Variants in PDSS1 observed in about 807,000 individuals in gnomAD.
The protein encoded by PDSS1 is all trans-polyprenyl-diphosphate synthase PDSS1.
PDSS1 carries 43 observed loss-of-function variants against 57.5 expected under a neutral mutation model. The observed-to-expected ratio is 0.75, with a 90% CI of 0.59 to 0.96. PDSS1 has a LOEUF of 0.96. Among genes scored for constraint, PDSS1 ranks in the 50% least tolerant of loss-of-function variants. The pLI is 0.00. For synonymous variants in PDSS1, 175 were observed against 191.3 expected, an observed-to-expected ratio of 0.91 and a Z score of 0.70; for missense variants, 438 against 527.8, an observed-to-expected ratio of 0.83 and a Z score of 1.67.
chr10:26,741,936 G>A (rs527743715), intron 10 of PDSS1, among the ~76,000 whole-genome samples: 79 of 152,234 alleles, frequency 5.2e-4, no homozygotes, highest in African/African-American at 1.7e-3. Flanking sequence ...GTGCAATGGC[G>A]CAATCTCGGC....
chr10:26,718,384 C>T (rs1016395170), intron 5 of PDSS1, among the ~76,000 whole-genome samples: 1 of 152,106 alleles, frequency 6.6e-6, no homozygotes, highest in South Asian at 2.1e-4. Context: ...TGTCCCTACC[C>T]TCCACTGCTT....
intron 6 of PDSS1, among the ~76,000 whole-genome samples, chr10:26,723,079 C>G (rs527575548): frequency 1.3e-5 from 2 of 152,268 alleles, no homozygotes; most frequent in Admixed American, 1.3e-4. Flanking sequence ...CCACTCCACC[C>G]TCCCCACTGC....
chr10:26,708,003 T>C (rs1835298538), intron 4 of PDSS1, among the ~76,000 whole-genome samples: 1 of 152,214 alleles, frequency 6.6e-6, no homozygotes, highest in Non-Finnish European at 1.5e-5. Context: ...CTTTCATTCG[T>C]GCTCTTCTCC....
chr10:26,708,602 G>T (rs1016523086), intron 4 of PDSS1, among the ~76,000 whole-genome samples: 1 of 152,148 alleles, frequency 6.6e-6, no homozygotes, highest in African/African-American at 2.4e-5. Context: ...CCTTATATGG[G>T]CTCTATGCGC....
chr10:26,714,334 C>T (rs995795587), intron 5 of PDSS1, among the ~76,000 whole-genome samples: 1 of 151,888 alleles, frequency 6.6e-6, no homozygotes, highest in African/African-American at 2.4e-5. Context: ...ATTAGCCAGT[C>T]GTGGTGACAC....
At chr10:26,698,096 G>A (rs1019913902) in intron 1 of PDSS1, among the ~76,000 whole-genome samples, 1 of 152,016 alleles carries the variant, frequency 6.6e-6, no homozygotes, top group Admixed American at 6.6e-5. Flanking sequence ...GGAGCGTTTT[G>A]GGGGGTGGAG....
intron 8 of PDSS1, among the ~76,000 whole-genome samples, chr10:26,732,588 T>A (rs1267265296): frequency 6.6e-6 from 1 of 152,196 alleles, no homozygotes; most frequent in Non-Finnish European, 1.5e-5. Context: ...TTCCAGCGTG[T>A]TGGAGCCATG....
At chr10:26,712,058 A>G (rs1394764252) in intron 5 of PDSS1, among the ~76,000 whole-genome samples, 2 of 82,440 alleles carry the variant, frequency 2.4e-5, no homozygotes, top group Admixed American at 1.6e-4. Flanking sequence ...CTGGAGTGCA[A>G]TGGCACAATC....
chr10:26,745,950 T>C (rs1390015213), intron 11 of PDSS1, among the ~76,000 whole-genome samples: 1 of 152,230 alleles, frequency 6.6e-6, no homozygotes, highest in Non-Finnish European at 1.5e-5. Flanking sequence ...CATTTTGTTA[T>C]GTCTTTATTC....
chr10:26,719,021 C>G (rs920628539), intron 5 of PDSS1, among the ~76,000 whole-genome samples: 3 of 152,134 alleles, frequency 2.0e-5, no homozygotes, highest in African/African-American at 7.2e-5. Flanking sequence ...TTGGAATGAG[C>G]ATTACCTTGT....
intron 8 of PDSS1, among the ~76,000 whole-genome samples, chr10:26,724,863 CCATTGCACCTGGCCAATA>C (rs1294591330): frequency 6.6e-6 from 1 of 152,168 alleles, no homozygotes; most frequent in Non-Finnish European, 1.5e-5. Context: ...CAGGCATGAG[CCATTGCACCTGGCCAATA>C]CATTGCACCT....
At chr10:26,729,327 C>T (rs1032872956) in intron 8 of PDSS1, among the ~76,000 whole-genome samples, 2 of 152,134 alleles carry the variant, frequency 1.3e-5, no homozygotes, top group Non-Finnish European at 2.9e-5. Context: ...TCTAGACCCA[C>T]TCAATGGACA....
intron 2 of PDSS1, among the ~76,000 whole-genome samples, chr10:26,702,483 A>T (rs907160920): frequency 1.3e-5 from 2 of 152,090 alleles, no homozygotes; most frequent in African/African-American, 2.4e-5. Flanking sequence ...TTTATAAGTG[A>T]TTGGTAGTTC....
chr10:26,730,681 ACT>A (rs1836158540), intron 8 of PDSS1, among the ~76,000 whole-genome samples: 1 of 151,690 alleles, frequency 6.6e-6, no homozygotes, highest in Non-Finnish European at 1.5e-5. Context: ...CAATACAGTA[ACT>A]CTCCCTTTTG....
chr10:26,734,770 A>T (rs1479424154), intron 8 of PDSS1: 2 of 456,304 alleles, frequency 4.4e-6, no homozygotes, highest in Non-Finnish European at 8.8e-6. Context: ...AGATGGGAAA[A>T]TTGTGTGTGA....
At chr10:26,745,602 T>C (rs922909149) in intron 11 of PDSS1, among the ~76,000 whole-genome samples, 1 of 152,136 alleles carries the variant, frequency 6.6e-6, no homozygotes, top group Non-Finnish European at 1.5e-5. Flanking sequence ...ATCCCAGCAC[T>C]TTGGGAGGCC....
At chr10:26,709,825 G>A (rs542065125) in intron 5 of PDSS1, 57 bp downstream of exon 5, 22 of 1,551,802 alleles carry the variant, frequency 1.4e-5, no homozygotes, top group South Asian at 4.5e-5. Flanking sequence ...CTTTCTTCCC[G>A]GGGTTACTTA....
rs1193228054 is a variant in PDSS1 at position 26,723,778 on chromosome 10, G to A, written c.610-28G>A. 6 of 1,475,396 alleles carry A rather than the reference G, an allele frequency of 4.1e-6. No individual in the cohort carries two copies. In the Admixed American group the frequency reaches 5.0e-5, roughly 12 times the overall value. 91.4% of individuals were successfully genotyped at this position (1,475,396 alleles called of 1,614,324 possible). On this transcript the variant is annotated intron_variant, in intron 6 of 11. Coordinates refer to ENST00000376215, the MANE Select transcript of PDSS1 (RefSeq NM_014317.5). ...ACTGCTCTGATGGATTTTTCAGAAC[G>A]TTCTGTTTTCCCCCTGTCTTTTTCT...
At chr10:26,702,398 G>T (rs1835079616) in intron 2 of PDSS1, among the ~76,000 whole-genome samples, 1 of 152,162 alleles carries the variant, frequency 6.6e-6, no homozygotes, top group African/African-American at 2.4e-5. Context: ...GGGCCTATGT[G>T]GAGGTAATTG....
Sources: gnomAD v4.1 joint callset for allele counts (sites outside exome capture counted in the v4.1 genomes callset) on GRCh38, gnomAD v4.1.1 for gene constraint, MANE v1.5 for transcripts, NCBI Gene and HGNC (gene_info 2026-07-23, HGNC 2026-07-21) for gene names.